Variants in LDLRAD4 observed in about 807,000 individuals in gnomAD.
The protein encoded by LDLRAD4 is low-density lipoprotein receptor class A domain-containing protein 4.
In LDLRAD4, 5 loss-of-function variants were observed where a neutral mutation model predicts 17.0. The ratio of observed to expected loss-of-function variants is 0.29; its 90% CI spans 0.15 to 0.62. The LOEUF is 0.62. Ranked by LOEUF, LDLRAD4 falls within the 20% of genes least tolerant of loss-of-function variation. The pLI, the probability that LDLRAD4 is intolerant of heterozygous loss-of-function variation, is 0.84. For missense variants in LDLRAD4, 340 were observed against 424.7 expected, an observed-to-expected ratio of 0.80 and a Z score of 1.75; for synonymous variants, 168 against 171.8, an observed-to-expected ratio of 0.98 and a Z score of 0.17.
chr18:13,363,049 G>T (rs2083782891), intron 1 of LDLRAD4, among the ~76,000 whole-genome samples: 1 of 152,156 alleles, frequency 6.6e-6, no homozygotes, highest in African/African-American at 2.4e-5. Context: ...GGAGAAGGGG[G>T]ACCAGGCGTG....
chr18:13,409,141 A>G (rs921597609), intron 2 of LDLRAD4, among the ~76,000 whole-genome samples: 6 of 152,194 alleles, frequency 3.9e-5, no homozygotes, highest in Admixed American at 1.3e-4. Flanking sequence ...GTGACATGGT[A>G]TAATCACACT....
At chr18:13,365,433 A>G (rs1473096739) in intron 1 of LDLRAD4, among the ~76,000 whole-genome samples, 1 of 152,226 alleles carries the variant, frequency 6.6e-6, no homozygotes. Flanking sequence ...ATAATTGTCA[A>G]TATTTGTAGT....
chr18:13,296,205 C>T (rs540364926), intron 1 of LDLRAD4, among the ~76,000 whole-genome samples: 3 of 152,364 alleles, frequency 2.0e-5, no homozygotes, highest in Non-Finnish European at 2.9e-5. Context: ...ACTTCTGCTT[C>T]GCAAGAGGCG....
chr18:13,557,965 T>G (rs551067331), intron 3 of LDLRAD4, among the ~76,000 whole-genome samples: 1 of 152,318 alleles, frequency 6.6e-6, no homozygotes, highest in Admixed American at 6.5e-5. Context: ...TAATCATTTT[T>G]TCAAGGTACA....
At chr18:13,380,154 C>A (rs1023140112) in intron 1 of LDLRAD4, among the ~76,000 whole-genome samples, 1 of 152,216 alleles carries the variant, frequency 6.6e-6, no homozygotes, top group Non-Finnish European at 1.5e-5. Context: ...CCAGAATGCA[C>A]GTCTGCTCAG....
chr18:13,257,190 C>T (rs903675616), intron 1 of LDLRAD4, among the ~76,000 whole-genome samples: 1 of 152,208 alleles, frequency 6.6e-6, no homozygotes, highest in African/African-American at 2.4e-5. Flanking sequence ...GGCCTGAACC[C>T]ATGTGCCGTG....
At chr18:13,228,256 C>T (rs904281394) in intron 1 of LDLRAD4, among the ~76,000 whole-genome samples, 25 of 152,130 alleles carry the variant, frequency 1.6e-4, no homozygotes, top group Non-Finnish European at 2.8e-4. Flanking sequence ...GTGGTCTGGC[C>T]GGTGGGGTCC....
chr18:13,374,312 T>C (rs896952853), intron 1 of LDLRAD4, among the ~76,000 whole-genome samples: 2 of 152,230 alleles, frequency 1.3e-5, no homozygotes, highest in African/African-American at 4.8e-5. Flanking sequence ...AGCTGGGTCA[T>C]GGACTGCAGG....
intron 3 of LDLRAD4, among the ~76,000 whole-genome samples, chr18:13,486,215 C>T (rs118150385): frequency 1.3e-3 from 195 of 152,286 alleles, no homozygotes; most frequent in Non-Finnish European, 2.2e-3. Context: ...TTACTGCAGA[C>T]GTAGTTCCCT....
intron 3 of LDLRAD4, chr18:13,472,083 C>A (rs1245084355): frequency 6.6e-6 from 1 of 152,200 alleles, no homozygotes; most frequent in Non-Finnish European, 1.5e-5. Context: ...ACGCTGCCCA[C>A]CTCCCAGCCA....
chr18:13,261,511 T>C (rs1475106423), intron 1 of LDLRAD4, among the ~76,000 whole-genome samples: 4 of 152,192 alleles, frequency 2.6e-5, no homozygotes, highest in Non-Finnish European at 5.9e-5. Flanking sequence ...GAATCCTTGC[T>C]GTTGGTTTTA....
intron 1 of LDLRAD4, among the ~76,000 whole-genome samples, chr18:13,383,987 C>T (rs1231056467): frequency 4.6e-5 from 7 of 152,170 alleles, no homozygotes; most frequent in Admixed American, 3.9e-4. Context: ...GGAATAGGCA[C>T]GTTATCCATT....
intron 2 of LDLRAD4, among the ~76,000 whole-genome samples, chr18:13,399,201 A>C (rs115285654): frequency 0.016 from 2,410 of 152,158 alleles, 63 homozygotes; most frequent in African/African-American, 0.056. Context: ...TGTCTCAAAA[A>C]AAAGAGAAAA....
intron 1 of LDLRAD4, among the ~76,000 whole-genome samples, chr18:13,373,403 A>G (rs768906866): frequency 2.0e-5 from 3 of 152,186 alleles, no homozygotes; most frequent in African/African-American, 4.8e-5. Flanking sequence ...TGTATGTTCA[A>G]TGTTTTCTTT....
At chr18:13,421,897 C>A (rs1338839471) in intron 2 of LDLRAD4, among the ~76,000 whole-genome samples, 2 of 152,228 alleles carry the variant, frequency 1.3e-5, no homozygotes, top group African/African-American at 2.4e-5. Flanking sequence ...GCTGCACCTG[C>A]AGCCTTGGGG....
intron 1 of LDLRAD4, among the ~76,000 whole-genome samples, chr18:13,331,668 A>G (rs1398638792): frequency 6.6e-6 from 1 of 152,164 alleles, no homozygotes; most frequent in Non-Finnish European, 1.5e-5. Context: ...ACTGCACTTG[A>G]TTATGTTTTG....
chr18:13,614,144 A>C (rs1443979442), intron 3 of LDLRAD4: 1 of 152,230 alleles, frequency 6.6e-6, no homozygotes, highest in East Asian at 1.9e-4. Context: ...CTTCGTTCTT[A>C]GGGCTTCTCC....
chr18:13,389,440 T>C (rs1001159987), intron 2 of LDLRAD4, among the ~76,000 whole-genome samples: 2 of 152,172 alleles, frequency 1.3e-5, no homozygotes, highest in Non-Finnish European at 1.5e-5. Flanking sequence ...TCAGCCTCCT[T>C]GTCCCTTCTC....
intron 2 of LDLRAD4, among the ~76,000 whole-genome samples, chr18:13,411,501 G>A (rs556840910): frequency 6.6e-6 from 1 of 152,276 alleles, no homozygotes; most frequent in South Asian, 2.1e-4. Context: ...GTCGTGAGAG[G>A]GACCCAGTTG....
Sources: allele counts gnomAD v4.1 joint callset (sites outside exome capture counted in the v4.1 genomes callset), GRCh38; gene constraint gnomAD v4.1.1; transcripts MANE v1.5; gene names NCBI Gene and HGNC (gene_info 2026-07-23, HGNC 2026-07-21).